The following ADA2 variants were observed in gnomAD, a reference collection of about 807,000 sequenced individuals.
ADA2 encodes the protein adenosine deaminase 2.
Under a neutral mutation model 44.2 loss-of-function variants are expected in ADA2, and 29 were observed. The ratio of observed to expected loss-of-function variants is 0.66; its 90% confidence interval spans 0.49 to 0.89. The LOEUF is 0.89. ADA2 is among the 40% of genes least tolerant of loss of function. The pLI, the probability that ADA2 is intolerant of heterozygous loss-of-function variation, is 0.00. For missense variants in ADA2, 637 were observed against 644.8 expected, an observed-to-expected ratio of 0.99 and a Z score of 0.13; for synonymous variants, 215 against 234.9, an observed-to-expected ratio of 0.92 and a Z score of 0.77.
At chr22:17,220,980 C>T (rs1807520), upstream of ADA2, among the ~76,000 whole-genome samples, 107,358 of 151,698 alleles carry the variant, frequency 0.71, 38,817 homozygotes, top group East Asian at 0.89. Context: ...GAGACCAGCC[C>T]CTACTAAAAT....
chr22:17,211,979 CAATT>C (rs770090884), intron 1 of ADA2, among the ~76,000 whole-genome samples: 13 of 152,000 alleles, frequency 8.6e-5, no homozygotes, highest in South Asian at 2.1e-4. Flanking sequence ...AGCAAAGAAA[CAATT>C]AACAGAATGA....
chr22:17,193,088 C>CA, intron 4 of ADA2: 1 of 1,052,632 alleles, frequency 9.5e-7, no homozygotes, highest in Non-Finnish European at 1.4e-6. Flanking sequence ...GTTATGGGAG[C>CA]AACAAAAAAA....
At position 17,191,828 on chromosome 22, in the gene ADA2, C is replaced by T. The variant is rs549445546; in HGVS notation, c.754-18G>A. On this transcript the variant is annotated intron_variant, in intron 4 of 9. Transcript: ENST00000399837. ...TCATACACCTGGGAAGAAAGCACAA[C>T]CAGGAGCCGTCAGGTGAGCAGTGAG... The T allele has an allele frequency of 6.2e-7, 1 of 1,607,384 alleles. No homozygotes were observed. Among genetic ancestry groups the T allele is most frequent in the African/African-American group, 1.3e-5 (1 of 74,944 alleles).
chr22:17,189,454 G>A (rs2062086975), intron 6 of ADA2, among the ~76,000 whole-genome samples: 1 of 152,134 alleles, frequency 6.6e-6, no homozygotes, highest in South Asian at 2.1e-4. Flanking sequence ...GGCTGGAGAG[G>A]GAGGGACAAA....
Position 17,190,025 on chromosome 22 carries a change from C to A in ADA2, c.889G>T (p.Asp297Tyr), listed in dbSNP as rs766661729. The change falls in exon 6 of 10, where the codon GAT (aspartate) becomes TAT (tyrosine). Residue 297 changes from aspartate (D) to tyrosine (Y), a missense_variant. Coordinates refer to ENST00000399837, the MANE Select transcript of ADA2 (RefSeq NM_001282225.2). ...KIIYSDHRSKDVAVIAESIRM... is the reference protein window; with the variant it reads ...KIIYSDHRSKYVAVIAESIRM... ...ATGGATTCTGCGATGACAGCCACAT[C>A]TTTGGATCTGTGAGACAGACAGAGA... The A allele has an allele frequency of 8.7e-6, 14 of 1,612,950 alleles. 1 individual carries two copies. Among genetic ancestry groups the A allele is most frequent in the Admixed American group, 3.3e-5 (2 of 59,976 alleles).
intron 1 of ADA2, among the ~76,000 whole-genome samples, chr22:17,212,644 G>A (rs958429685): frequency 5.9e-5 from 9 of 151,980 alleles, no homozygotes; most frequent in African/African-American, 1.9e-4. Context: ...GACTATATAA[G>A]GAAATCAAAC....
At chr22:17,202,132 C>G (rs1412360220) in intron 4 of ADA2, among the ~76,000 whole-genome samples, 4 of 148,334 alleles carry the variant, frequency 2.7e-5, no homozygotes, top group Non-Finnish European at 6.0e-5. Context: ...ACCATGCCAG[C>G]TAATTTTTTT....
chr22:17,194,019 G>GAAAAAAAAA (rs34572644), intron 4 of ADA2, among the ~76,000 whole-genome samples: 1 of 123,046 alleles, frequency 8.1e-6, no homozygotes, highest in Non-Finnish European at 1.7e-5. Flanking sequence ...AAAAAGGAAT[G>GAAAAAAAAA]AAAAAAAAAA....
intron 6 of ADA2, 26 bp from the exon 7 acceptor site, chr22:17,188,473 G>A (rs1187678793): frequency 2.6e-6 from 4 of 1,534,482 alleles, no homozygotes; most frequent in East Asian, 2.2e-5. Flanking sequence ...GGACAGGGAG[G>A]TGTCTGCAGG....
intron 4 of ADA2, among the ~76,000 whole-genome samples, chr22:17,194,812 AC>A (rs1364777309): frequency 6.6e-6 from 1 of 151,722 alleles, no homozygotes; most frequent in Non-Finnish European, 1.5e-5. Flanking sequence ...AGAATATGTC[AC>A]CCAATAGGCC....
At chr22:17,215,865 T>C (rs1334454612) in intron 1 of ADA2, among the ~76,000 whole-genome samples, 4 of 152,082 alleles carry the variant, frequency 2.6e-5, no homozygotes, top group Non-Finnish European at 4.4e-5. Flanking sequence ...TTCAAGAGGC[T>C]GAGGCAGGAG....
At chr22:17,208,230 CCTGA>C (rs1356926440) in intron 2 of ADA2, among the ~76,000 whole-genome samples, 2 of 150,690 alleles carry the variant, frequency 1.3e-5, no homozygotes, top group African/African-American at 2.4e-5. Flanking sequence ...TCGAGACCAG[CCTGA>C]CTAACATGGT....
Position 17,197,127 on chromosome 22 carries a change from C to CGTG in ADA2, c.754-5318_754-5317insCAC, listed in dbSNP as rs1232372081. ...GGCAGAGGTTGCAGTGAGCCAAGATCGCACCACTGCACTCCAGCCTGGACG... is the reference window on the plus strand; with the variant it reads ...GGCAGAGGTTGCAGTGAGCCAAGATCGTGGCACCACTGCACTCCAGCCTGGACG... On this transcript the variant is annotated intron_variant, in intron 4 of 9. Transcript: ENST00000399837. Among the ~76,000 whole-genome samples, 8 of 152,192 alleles carry CGTG rather than the reference C, an allele frequency of 5.3e-5. No individual in the cohort carries two copies. In the Middle Eastern group the frequency reaches 0.01, roughly 194 times the overall value.
intron 1 of ADA2, among the ~76,000 whole-genome samples, chr22:17,219,012 C>T (rs957745010): frequency 3.3e-5 from 5 of 152,146 alleles, no homozygotes; most frequent in African/African-American, 1.2e-4. Context: ...CAAAAATTAG[C>T]CGGGCGTGGT....
chr22:17,196,604 C>T (rs920637452), intron 4 of ADA2, among the ~76,000 whole-genome samples: 4 of 152,054 alleles, frequency 2.6e-5, no homozygotes, highest in Non-Finnish European at 4.4e-5. Flanking sequence ...CTGCCCACAC[C>T]CCCCAGCTAG....
At chr22:17,219,201 C>G (rs1287928798) in intron 1 of ADA2, among the ~76,000 whole-genome samples, 155 bp downstream of exon 1, 1 of 152,192 alleles carries the variant, frequency 6.6e-6, no homozygotes. Context: ...TTTCAAAAGC[C>G]TGTTGGGAGA....
rs543336918 is a variant in ADA2, at chr22:17,182,026, C to T, written c.1240-4G>A. The T allele has an allele frequency of 1.1e-5, 18 of 1,610,896 alleles. No individual in the cohort carries two copies. In the East Asian group the frequency reaches 1.6e-4, roughly 14 times the overall value. ...AGTCAGACACCAGTTTCAGCACCTG[C>T]GCAATAGGAGGGAAGGGAGAAAGAT... On this transcript the variant is annotated splice_polypyrimidine_tract_variant and splice_region_variant and intron_variant, in intron 8 of 9. Coordinates refer to ENST00000399837, the MANE Select transcript of ADA2 (RefSeq NM_001282225.2).
chr22:17,205,458 T>C (rs1399933457), intron 3 of ADA2, among the ~76,000 whole-genome samples: 1 of 152,150 alleles, frequency 6.6e-6, no homozygotes, highest in East Asian at 1.9e-4. Context: ...GCCTGTGGTA[T>C]TCTGTTATGG....
At chr22:17,208,925 C>A (rs2062386825) in intron 2 of ADA2, among the ~76,000 whole-genome samples, 1 of 151,920 alleles carries the variant, frequency 6.6e-6, no homozygotes. Flanking sequence ...ACCTCCTGGG[C>A]TCAAGCGATA....
Sources: gnomAD v4.1 joint callset for allele counts (sites outside exome capture counted in the v4.1 genomes callset) on GRCh38, gnomAD v4.1.1 for gene constraint, MANE v1.5 for transcripts, NCBI Gene and HGNC (gene_info 2026-07-23, HGNC 2026-07-21) for gene names.